Variants in SPATS1 observed in about 807,000 individuals in gnomAD.
SPATS1 encodes the protein spermatogenesis associated serine rich 1.
SPATS1 carries 23 observed loss-of-function variants against 33.6 expected under a neutral mutation model. The observed-to-expected ratio is 0.68, with a 90% CI of 0.49 to 0.97. The LOEUF is 0.97. SPATS1 is among the 50% of genes least tolerant of loss of function. SPATS1 has a pLI of 0.00. For synonymous variants in SPATS1, 131 were observed against 125.6 expected (o/e 1.04, Z -0.29); for missense variants, 327 against 361.0 (o/e 0.91, Z 0.76).
intron 2 of SPATS1, 147 bp downstream of exon 2, chr6:44,343,381 C>T: frequency 1.1e-6 from 1 of 919,162 alleles, no homozygotes; most frequent in East Asian, 2.6e-5. Context: ...TGAATAGTAG[C>T]TTATGTTTGT....
intron 5 of SPATS1, among the ~76,000 whole-genome samples, chr6:44,362,741 C>T (rs939476747): frequency 6.6e-6 from 1 of 152,148 alleles, no homozygotes; most frequent in Non-Finnish European, 1.5e-5. Context: ...AGAATTGAGG[C>T]TTTTATTTAT....
At chr6:44,369,542 C>T (rs1389854795) in intron 6 of SPATS1, among the ~76,000 whole-genome samples, 2 of 151,026 alleles carry the variant, frequency 1.3e-5, no homozygotes, top group Non-Finnish European at 1.5e-5. Flanking sequence ...AGAGTTAAGA[C>T]TCCATCTCAA....
At chr6:44,373,029 T>C (rs1561961432) in intron 7 of SPATS1, among the ~76,000 whole-genome samples, 1 of 152,214 alleles carries the variant, frequency 6.6e-6, no homozygotes, top group Non-Finnish European at 1.5e-5. Flanking sequence ...AGTCACTCTA[T>C]TGTCTGATCT....
chr6:44,373,956 A>C (rs1345516149), intron 7 of SPATS1, among the ~76,000 whole-genome samples: 2 of 152,198 alleles, frequency 1.3e-5, no homozygotes, highest in Non-Finnish European at 2.9e-5. Flanking sequence ...GTGGGGAGAG[A>C]CCACTAGATG....
intron 2 of SPATS1, 48 bp downstream of exon 2, chr6:44,343,282 GTATACTA>G: frequency 6.3e-7 from 1 of 1,591,044 alleles, no homozygotes. Context: ...CCACATCCAA[GTATACTA>G]CACCCGGGGG....
chr6:44,363,118 T>G (rs1381540312), intron 5 of SPATS1, among the ~76,000 whole-genome samples: 1 of 149,310 alleles, frequency 6.7e-6, no homozygotes, highest in African/African-American at 2.5e-5. Context: ...ATTACAGGCG[T>G]AAGCCACCGT....
intron 4 of SPATS1, chr6:44,361,492 GT>G: frequency 1.0e-6 from 1 of 985,418 alleles, no homozygotes; most frequent in African/African-American, 1.7e-5. Context: ...CGTTATCAGA[GT>G]GAAGATTGTA....
chr6:44,365,485 C>T (rs965912004), intron 5 of SPATS1, among the ~76,000 whole-genome samples: 2 of 152,238 alleles, frequency 1.3e-5, no homozygotes, highest in African/African-American at 2.4e-5. Context: ...GTGGATCCAG[C>T]AGCTCTCCAG....
intron 7 of SPATS1, among the ~76,000 whole-genome samples, chr6:44,373,372 G>A (rs1452603963): frequency 2.6e-5 from 4 of 152,148 alleles, no homozygotes; most frequent in East Asian, 1.9e-4. Context: ...TCTGAAAATT[G>A]TTATTTCATA....
intron 4 of SPATS1, 118 bp downstream of exon 4, chr6:44,360,688 C>T: frequency 7.8e-7 from 1 of 1,274,228 alleles, no homozygotes; most frequent in Admixed American, 2.6e-5. Context: ...TGTACTTTAT[C>T]TCAAAATTCA....
intron 2 of SPATS1, among the ~76,000 whole-genome samples, chr6:44,345,876 A>T (rs1001247321): frequency 4.6e-5 from 7 of 152,218 alleles, no homozygotes; most frequent in African/African-American, 1.7e-4. Flanking sequence ...CTTCAGTAAG[A>T]TGGGGACATT....
In SPATS1 at chr6:44,346,722, CT is replaced by C. The variant is rs766649854; in HGVS notation, c.139+3497del. On this transcript the variant is annotated intron_variant, in intron 2 of 8. Coordinates refer to ENST00000674044, the MANE Select transcript of SPATS1 (RefSeq NM_001372081.1). ...AAGTTACCTGATCACATCTTTTGCC[CT>C]TTTTTTTTCTTTTTGGATATTTATT... 7.4e-4 allele frequency among the ~76,000 whole-genome samples: 112 copies of C among 151,474 alleles called. 3 individuals carry two copies. The East Asian group carries it at 0.013, about 18-fold the overall frequency.
At chr6:44,346,471 G>A (rs1018916503) in intron 2 of SPATS1, among the ~76,000 whole-genome samples, 2 of 152,036 alleles carry the variant, frequency 1.3e-5, no homozygotes, top group East Asian at 3.9e-4. Flanking sequence ...CTGCAGACTC[G>A]ACCTCTCCAG....
chr6:44,349,803 T>C (rs1001043891), intron 2 of SPATS1, among the ~76,000 whole-genome samples: 8 of 152,252 alleles, frequency 5.3e-5, no homozygotes, highest in African/African-American at 1.9e-4. Context: ...TTTCTTCTTG[T>C]ATGTGAATTA....
chr6:44,363,998 A>T (rs1394407852), intron 5 of SPATS1, among the ~76,000 whole-genome samples: 1 of 152,166 alleles, frequency 6.6e-6, no homozygotes, highest in Non-Finnish European at 1.5e-5. Context: ...AGAAAAACTT[A>T]TTAGGTAAAT....
intron 5 of SPATS1, among the ~76,000 whole-genome samples, chr6:44,365,262 A>AAT (rs1352736567): frequency 6.6e-6 from 1 of 152,238 alleles, no homozygotes; most frequent in African/African-American, 2.4e-5. Flanking sequence ...GGAGTTCCCT[A>AAT]AAGGCCTAGC....
chr6:44,352,939 G>A, intron 3 of SPATS1, 66 bp downstream of exon 3: 1 of 1,551,018 alleles, frequency 6.4e-7, no homozygotes, highest in Non-Finnish European at 8.8e-7. Context: ...CCAATAGTCT[G>A]AGAGGTAGCA....
intron 1 of SPATS1, 97 bp downstream of exon 1, chr6:44,342,865 G>C (rs896213820): frequency 1.3e-5 from 17 of 1,298,610 alleles, no homozygotes; most frequent in Admixed American, 2.2e-5. Context: ...GAGCTGGATG[G>C]GGGCTGCAGC....
chr6:44,343,472 T>C, intron 2 of SPATS1: 1 of 614,554 alleles, frequency 1.6e-6, no homozygotes, highest in Non-Finnish European at 3.0e-6. Context: ...CTCACAGCAG[T>C]GGAGAAGTAT....
Sources: gnomAD v4.1 joint callset for allele counts (sites outside exome capture counted in the v4.1 genomes callset) on GRCh38, gnomAD v4.1.1 for gene constraint, MANE v1.5 for transcripts, NCBI Gene and HGNC (gene_info 2026-07-23, HGNC 2026-07-21) for gene names.